Variants in SLC9A9 observed in about 807,000 individuals in gnomAD.
SLC9A9 encodes the protein solute carrier family 9 member A9.
A neutral mutation model predicts 77.8 loss-of-function variants in SLC9A9; 62 were observed. That is an observed-to-expected ratio of 0.80 (90% CI 0.65 to 0.98). The LOEUF (loss-of-function observed/expected upper bound fraction) is 0.98. SLC9A9 is among the 50% of genes least tolerant of loss of function. The pLI is 0.00. For missense variants in SLC9A9, 775 were observed against 774.9 expected (o/e 1.00, Z 0.00); for synonymous variants, 320 against 283.5 (o/e 1.13, Z -1.29).
At chr3:143,477,964 A>G (rs528427301) in intron 11 of SLC9A9, among the ~76,000 whole-genome samples, 9 of 152,100 alleles carry the variant, frequency 5.9e-5, no homozygotes, top group Non-Finnish European at 1.2e-4. Flanking sequence ...CCTCTTGCCC[A>G]CTCCCTAACT....
At chr3:143,752,047 T>C (rs945976814) in intron 4 of SLC9A9, among the ~76,000 whole-genome samples, 3 of 152,128 alleles carry the variant, frequency 2.0e-5, no homozygotes, top group Non-Finnish European at 4.4e-5. Flanking sequence ...CACATCAAAC[T>C]CTTCAGAAAC....
rs991966945 is a variant in SLC9A9, at chr3:143,430,979, G to A, written c.1469+36058C>T. On this transcript the variant is annotated intron_variant, in intron 12 of 15. Transcript: ENST00000316549. ...GCCATTACAACAAGGATGACAAAAA[G>A]AGCCTCATCACTGATTTTATCCACT... is the stretch of plus-strand genomic sequence containing the variant. Among the ~76,000 whole-genome samples the A allele has an allele frequency of 2.0e-5, 3 of 152,168 alleles. No individual in the cohort carries two copies. In the East Asian group the frequency reaches 5.8e-4, roughly 29 times the overall value.
intron 6 of SLC9A9, among the ~76,000 whole-genome samples, chr3:143,598,107 CTT>C (rs1000273447): frequency 6.8e-6 from 1 of 147,510 alleles, no homozygotes; most frequent in African/African-American, 2.5e-5. Context: ...CAACTTTTAT[CTT>C]TTTTTTTTTA....
rs2033075359 is a variant in SLC9A9 at position 143,372,265 on chromosome 3, A to G, written c.1525-8702T>C. Among the ~76,000 whole-genome samples the G allele has an allele frequency of 2.6e-5, 4 of 152,244 alleles. No individual in the cohort carries two copies. In the South Asian group the frequency reaches 8.3e-4, roughly 31 times the overall value. On this transcript the variant is annotated intron_variant, in intron 13 of 15. Transcript: ENST00000316549. ...AGCCTGAATAGTCAAAGCAATCCTA[A>G]GCAAAAAGAACAAATCTGGAGGTAT...
At chr3:143,739,357 T>C (rs562959837) in intron 4 of SLC9A9, among the ~76,000 whole-genome samples, 8 of 152,274 alleles carry the variant, frequency 5.3e-5, no homozygotes, top group African/African-American at 1.7e-4. Context: ...CAAGTATATA[T>C]TTCCCGTTAT....
At chr3:143,630,170 A>G (rs191473032) in intron 6 of SLC9A9, among the ~76,000 whole-genome samples, 11 of 152,354 alleles carry the variant, frequency 7.2e-5, no homozygotes, top group Admixed American at 5.2e-4. Context: ...TGCGTTATTC[A>G]TCAAGGAGAT....
chr3:143,564,926 G>A (rs2037144656), intron 8 of SLC9A9, among the ~76,000 whole-genome samples: 1 of 152,160 alleles, frequency 6.6e-6, no homozygotes, highest in Non-Finnish European at 1.5e-5. Flanking sequence ...GAGGTCTGGA[G>A]AAGAAGGAAA....
intron 4 of SLC9A9, among the ~76,000 whole-genome samples, chr3:143,762,278 C>T (rs1387457972): frequency 1.3e-5 from 2 of 152,146 alleles, no homozygotes; most frequent in African/African-American, 2.4e-5. Flanking sequence ...CAACATGGCA[C>T]ATGTATACAT....
At chr3:143,332,916 A>G (rs1168771760) in intron 14 of SLC9A9, among the ~76,000 whole-genome samples, 1 of 152,198 alleles carries the variant, frequency 6.6e-6, no homozygotes, top group Non-Finnish European at 1.5e-5. Flanking sequence ...AATCATCTGC[A>G]TATGTATTTT....
At chr3:143,766,740 T>A (rs114105174) in intron 4 of SLC9A9, among the ~76,000 whole-genome samples, 1,549 of 152,108 alleles carry the variant, frequency 0.01, 15 homozygotes, top group African/African-American at 0.035. Flanking sequence ...GGCTAATTTT[T>A]AAAAAATATT....
At chr3:143,525,856 G>A (rs1479905958) in intron 9 of SLC9A9, among the ~76,000 whole-genome samples, 3 of 152,056 alleles carry the variant, frequency 2.0e-5, no homozygotes, top group Non-Finnish European at 4.4e-5. Flanking sequence ...AATTAATGGG[G>A]AAATTCTTAG....
intron 5 of SLC9A9, among the ~76,000 whole-genome samples, chr3:143,687,945 A>G (rs1413620161): frequency 6.6e-6 from 1 of 151,976 alleles, no homozygotes; most frequent in Non-Finnish European, 1.5e-5. Flanking sequence ...TACGATGCAG[A>G]TAAGTAACCA....
chr3:143,266,995 A>AC, intron 15 of SLC9A9, 66 bp from the exon 16 acceptor site: 1 of 1,233,654 alleles, frequency 8.1e-7, no homozygotes, highest in South Asian at 1.3e-5. Context: ...CAGTCCTACA[A>AC]TTTTTTTTTT....
intron 14 of SLC9A9, among the ~76,000 whole-genome samples, chr3:143,296,211 A>G (rs1454145111): frequency 1.3e-5 from 2 of 152,232 alleles, no homozygotes; most frequent in Non-Finnish European, 2.9e-5. Context: ...CCAATTAAAT[A>G]GCAACTTCCC....
At chr3:143,560,231 C>T (rs2037057704) in intron 8 of SLC9A9, among the ~76,000 whole-genome samples, 1 of 152,196 alleles carries the variant, frequency 6.6e-6, no homozygotes, top group South Asian at 2.1e-4. Context: ...AGGGGATGTC[C>T]ATGATGCCGG....
At chr3:143,499,258 G>A (rs2035888986) in intron 9 of SLC9A9, among the ~76,000 whole-genome samples, 1 of 152,018 alleles carries the variant, frequency 6.6e-6, no homozygotes, top group African/African-American at 2.4e-5. Context: ...CGGATAAAAT[G>A]CACTTCTTTT....
intron 6 of SLC9A9, among the ~76,000 whole-genome samples, chr3:143,599,835 G>A (rs770338179): frequency 2.6e-5 from 4 of 151,986 alleles, no homozygotes; most frequent in Non-Finnish European, 4.4e-5. Flanking sequence ...TCTTATCATC[G>A]AAGTAAGATA....
At chr3:143,465,105 A>C (rs1287900588) in intron 12 of SLC9A9, among the ~76,000 whole-genome samples, 2 of 152,172 alleles carry the variant, frequency 1.3e-5, no homozygotes, top group Non-Finnish European at 2.9e-5. Context: ...TCTGGCACTG[A>C]ATTGGTTGGG....
At chr3:143,619,184 C>G (rs2038155877) in intron 6 of SLC9A9, among the ~76,000 whole-genome samples, 1 of 152,100 alleles carries the variant, frequency 6.6e-6, no homozygotes, top group African/African-American at 2.4e-5. Context: ...AGAGGAAAAT[C>G]AAGGAGGTTA....
Sources: allele counts gnomAD v4.1 joint callset (sites outside exome capture counted in the v4.1 genomes callset), GRCh38; gene constraint gnomAD v4.1.1; transcripts MANE v1.5; gene names NCBI Gene and HGNC (gene_info 2026-07-23, HGNC 2026-07-21).